The following L2HGDH variants were observed in gnomAD, a reference collection of about 807,000 sequenced individuals.
L2HGDH encodes the protein L-2-hydroxyglutarate dehydrogenase, mitochondrial.
L2HGDH carries 34 observed loss-of-function variants against 51.5 expected under a neutral mutation model. That is an observed-to-expected ratio of 0.66 (90% CI 0.50 to 0.88). The LOEUF (loss-of-function observed/expected upper bound fraction) is 0.88, where lower values mean the gene tolerates loss of function less well. Among genes scored for constraint, L2HGDH ranks in the 40% least tolerant of loss-of-function variants. The pLI, the probability that L2HGDH is intolerant of heterozygous loss-of-function variation, is 0.00. For missense variants in L2HGDH, 558 were observed against 571.9 expected (o/e 0.98, Z 0.25); for synonymous variants, 198 against 197.9 (o/e 1.00, Z -0.01).
Position 50,287,260 on chromosome 14 carries a change from G to GT in L2HGDH, c.541-3228dup, listed in dbSNP as rs1281197828. Reference sequence around the variant, plus strand: ...ACTTTTACAACATCTGAAAAGTTTTGTTTTTTTCAGTAATGCATAATATAA... The same window carrying GT: ...ACTTTTACAACATCTGAAAAGTTTTGTTTTTTTTCAGTAATGCATAATATAA... On this transcript the variant is annotated intron_variant, in intron 4 of 9. Coordinates refer to ENST00000267436, the MANE Select transcript of L2HGDH (RefSeq NM_024884.3). 14 of 983,748 alleles carry GT rather than the reference G, an allele frequency of 1.4e-5. No individual in the cohort carries two copies. The African/African-American group carries it at 2.1e-4, about 15-fold the overall frequency. 60.9% of individuals were successfully genotyped at this position (983,748 alleles called of 1,614,324 possible). A position where few individuals can be genotyped will look rare whatever the true frequency, so the allele number is the denominator to read the frequency against.
intron 9 of L2HGDH, among the ~76,000 whole-genome samples, chr14:50,248,622 G>A (rs1329150761): frequency 4.6e-5 from 7 of 152,210 alleles, no homozygotes; most frequent in Non-Finnish European, 8.8e-5. Flanking sequence ...CAGTAAGAGT[G>A]AAAGGTTGTA....
chr14:50,256,382 C>T (rs1201670985), intron 9 of L2HGDH, among the ~76,000 whole-genome samples: 1 of 151,790 alleles, frequency 6.6e-6, no homozygotes, highest in Admixed American at 6.6e-5. Flanking sequence ...TGTGGTGGCA[C>T]ACACCTGTTG....
At chr14:50,305,441 C>T (rs1216293010) in intron 1 of L2HGDH, among the ~76,000 whole-genome samples, 2 of 152,146 alleles carry the variant, frequency 1.3e-5, no homozygotes, top group African/African-American at 4.8e-5. Context: ...ATTTGGAAGT[C>T]CAAGCCTTTA....
chr14:50,295,241 G>C (rs765309730), intron 3 of L2HGDH, among the ~76,000 whole-genome samples: 3 of 151,932 alleles, frequency 2.0e-5, no homozygotes, highest in Non-Finnish European at 4.4e-5. Context: ...CATGCACAGG[G>C]GCTCATGTCT....
intron 1 of L2HGDH, 23 bp downstream of exon 1, chr14:50,311,988 G>A (rs2031241987): frequency 1.3e-6 from 2 of 1,550,574 alleles, no homozygotes; most frequent in Non-Finnish European, 1.7e-6. Context: ...CGCAGGCGGC[G>A]GGGAGGACCA....
At position 50,250,380 on chromosome 14, in the gene L2HGDH, T is replaced by C. The variant is rs1010938616; in HGVS notation, c.1197-3127A>G. Among the ~76,000 whole-genome samples, 5 of 152,204 alleles carry C rather than the reference T, an allele frequency of 3.3e-5. No individual in the cohort carries two copies. In the South Asian group the frequency reaches 6.2e-4, roughly 19 times the overall value. ...AAACCCTGTGGACCAAAGGTGGTGG[T>C]AGCCACAGGGAGTGGCCCCTCTGCC... On this transcript the variant is annotated intron_variant, in intron 9 of 9. Coordinates refer to ENST00000267436, the MANE Select transcript of L2HGDH (RefSeq NM_024884.3).
chr14:50,283,798 T>C (rs1457243880), intron 5 of L2HGDH, 73 bp downstream of exon 5: 3 of 1,360,352 alleles, frequency 2.2e-6, no homozygotes, highest in South Asian at 1.2e-5. Context: ...CTCAGTTGGT[T>C]AAAACCACAG....
At chr14:50,311,730 G>A (rs1214349675) in intron 1 of L2HGDH, among the ~76,000 whole-genome samples, 4 of 152,198 alleles carry the variant, frequency 2.6e-5, no homozygotes, top group African/African-American at 9.7e-5. Flanking sequence ...CCTTTAAGGA[G>A]GTTAAGTAAC....
At chr14:50,258,695 G>C (rs115692975) in intron 9 of L2HGDH, among the ~76,000 whole-genome samples, 4 of 151,582 alleles carry the variant, frequency 2.6e-5, no homozygotes, top group African/African-American at 9.7e-5. Context: ...TAAATTTTTG[G>C]TATAGATGGG....
intron 9 of L2HGDH, among the ~76,000 whole-genome samples, chr14:50,263,796 A>C (rs1889181328): frequency 7.1e-6 from 1 of 141,502 alleles, no homozygotes; most frequent in Non-Finnish European, 1.5e-5. Context: ...TTTTTGTGAG[A>C]CGGAGTTTTG....
intron 3 of L2HGDH, among the ~76,000 whole-genome samples, chr14:50,296,716 C>A (rs2030081635): frequency 6.6e-6 from 1 of 152,086 alleles, no homozygotes; most frequent in Admixed American, 6.5e-5. Context: ...AGAATCACTT[C>A]CCAACTAATT....
chr14:50,268,017 T>C, intron 7 of L2HGDH, 107 bp from the exon 8 acceptor site: 1 of 1,076,788 alleles, frequency 9.3e-7, no homozygotes. Flanking sequence ...TGCATTTAAT[T>C]TGTATTGTGA....
At chr14:50,248,447 G>A (rs555830119) in intron 9 of L2HGDH, among the ~76,000 whole-genome samples, 1 of 152,274 alleles carries the variant, frequency 6.6e-6, no homozygotes, top group South Asian at 2.1e-4. Flanking sequence ...TATTTAGTAA[G>A]TGCTTACTCT....
intron 9 of L2HGDH, 59 bp downstream of exon 9, chr14:50,265,299 C>G (rs925420882): frequency 2.0e-5 from 29 of 1,468,294 alleles, no homozygotes; most frequent in Non-Finnish European, 2.8e-5. Context: ...AAGTCAGACC[C>G]ACCTCTCAAG....
At chr14:50,263,667 T>C (rs1889169756) in intron 9 of L2HGDH, among the ~76,000 whole-genome samples, 1 of 151,992 alleles carries the variant, frequency 6.6e-6, no homozygotes, top group Admixed American at 6.6e-5. Flanking sequence ...ACGAATGGCT[T>C]GCTCAGGAAA....
chr14:50,278,386 T>C, intron 6 of L2HGDH, 134 bp downstream of exon 6: 2 of 655,030 alleles, frequency 3.1e-6, no homozygotes, highest in South Asian at 3.8e-5. Flanking sequence ...TAAACTTCCC[T>C]AAAAGAAATT....
intron 1 of L2HGDH, among the ~76,000 whole-genome samples, chr14:50,308,742 G>A (rs977582948): frequency 6.6e-6 from 1 of 152,192 alleles, no homozygotes; most frequent in Non-Finnish European, 1.5e-5. Context: ...ACATGACTCA[G>A]TAACTGCAGT....
intron 4 of L2HGDH, 116 bp from the exon 5 acceptor site, chr14:50,284,149 T>C (rs779326444): frequency 1.4e-5 from 12 of 885,114 alleles, no homozygotes; most frequent in Non-Finnish European, 2.0e-5. Context: ...TGCCAAGCTT[T>C]TCTTGCTGCT....
chr14:50,260,374 C>T lies in L2HGDH; in HGVS notation c.1196+4984G>A, dbSNP rs1888948366. ...CAATTAAAATACAAGTCCCTAATGT[C>T]CTATATCTTGTTCTGACTGGTGGAT... On this transcript the variant is annotated intron_variant, in intron 9 of 9. Transcript: ENST00000267436. Among the ~76,000 whole-genome samples, 4 of 152,268 alleles carry T rather than the reference C, an allele frequency of 2.6e-5. No individual in the cohort carries two copies. The South Asian group carries it at 8.3e-4, about 32-fold the overall frequency.
Sources: allele counts gnomAD v4.1 joint callset (sites outside exome capture counted in the v4.1 genomes callset), GRCh38; gene constraint gnomAD v4.1.1; transcripts MANE v1.5; gene names NCBI Gene and HGNC (gene_info 2026-07-23, HGNC 2026-07-21).